PKHD1: variants seen among roughly 807,000 people sequenced by gnomAD.
PKHD1 encodes the protein fibrocystin.
In PKHD1, 291 loss-of-function variants were observed where a neutral mutation model predicts 412.0. That is an observed-to-expected ratio of 0.71 (90% CI 0.64 to 0.78). The LOEUF is 0.78. Among genes scored for constraint, PKHD1 ranks in the 30% least tolerant of loss-of-function variants. The probability of loss-of-function intolerance (pLI) is 0.00; values close to 1 mark genes in which losing one functional copy is unlikely to be tolerated. For missense variants in PKHD1, 4,825 were observed against 4,950.7 expected, an observed-to-expected ratio of 0.97 and a Z score of 0.76; for synonymous variants, 1,777 against 1,821.5, an observed-to-expected ratio of 0.98 and a Z score of 0.62.
Position 51,934,226 on chromosome 6 carries a change from T to C in PKHD1, c.6005A>G (p.Asp2002Gly). The change falls in exon 37 of 67, where the codon GAC becomes GGC. Residue 2002 changes from aspartate (D) to glycine (G), a missense_variant. By Grantham distance (94) the Asp-to-Gly change is moderately conservative. Transcript: ENST00000371117. The stretch of plus-strand genomic sequence containing the variant: ...CTGAGCTCTGCCTTGGAAGGGCTTG[T>C]CTTCGGATCCAATCCGGAGCTCTCC... ...DGGELRIGSE[D>G]KPFQGRAQIT... 6.2e-7 allele frequency: 1 copy of C among 1,613,648 alleles called. No homozygotes were observed. Among genetic ancestry groups the C allele is most frequent in the Non-Finnish European group, 8.5e-7 (1 of 1,179,610 alleles).
chr6:52,068,104 AT>A (rs1810028183), intron 11 of PKHD1, among the ~76,000 whole-genome samples: 1 of 152,198 alleles, frequency 6.6e-6, no homozygotes, highest in Non-Finnish European at 1.5e-5. Context: ...GAATTCCAAG[AT>A]TCTTGCTCCT....
At chr6:51,628,346 G>A (rs1175983773) in intron 65 of PKHD1, among the ~76,000 whole-genome samples, 1 of 152,130 alleles carries the variant, frequency 6.6e-6, no homozygotes, top group Non-Finnish European at 1.5e-5. Flanking sequence ...TTCTGTTCCT[G>A]CATTAATTCA....
chr6:52,026,134 C>G lies in PKHD1; in HGVS notation c.3676G>C (p.Ala1226Pro), dbSNP rs751658200. Residue 1226 changes from alanine to proline, a missense_variant, in exon 32 of 67, where the codon GCT (alanine) becomes CCT (proline). Coordinates refer to ENST00000371117, the MANE Select transcript of PKHD1 (RefSeq NM_138694.4). Reference protein sequence around the residue: ...ISGIGFSRDPALVWVLVGNRS... With the variant: ...ISGIGFSRDPPLVWVLVGNRS... ...TTGCCCACAAGTACCCAAACCAAAG[C>G]TGGGTCCCTGCTGAAGCCTATTCCT... 6.2e-7 allele frequency: 1 copy of G among 1,614,128 alleles called. No individual in the cohort carries two copies. The highest frequency in any genetic ancestry group is 1.7e-5 in the Admixed American group (1 of 60,026).
intron 24 of PKHD1, 64 bp from the exon 25 acceptor site, chr6:52,045,152 A>G (rs1805585606): frequency 2.0e-6 from 3 of 1,520,786 alleles, no homozygotes; most frequent in South Asian, 1.1e-5. Context: ...GTCTAATCAA[A>G]TAATAAAGAG....
intron 35 of PKHD1, among the ~76,000 whole-genome samples, chr6:52,001,386 A>G (rs1251833695): frequency 6.6e-6 from 1 of 152,088 alleles, no homozygotes; most frequent in African/African-American, 2.4e-5. Context: ...CAAATCTTTC[A>G]TCATACTCTT....
chr6:51,788,408 A>G (rs1268155966), intron 53 of PKHD1, among the ~76,000 whole-genome samples: 2 of 142,778 alleles, frequency 1.4e-5, no homozygotes, highest in Non-Finnish European at 3.1e-5. Context: ...ACCTATGTGT[A>G]CTGCATCAAG....
chr6:51,898,940 C>T (rs556830841), intron 43 of PKHD1, among the ~76,000 whole-genome samples: 35 of 152,342 alleles, frequency 2.3e-4, no homozygotes, highest in African/African-American at 7.9e-4. Context: ...TTCCTGAACA[C>T]ATACACTCTC....
chr6:51,695,135 C>T (rs1582130511), intron 60 of PKHD1, among the ~76,000 whole-genome samples: 2 of 152,234 alleles, frequency 1.3e-5, no homozygotes, highest in East Asian at 3.9e-4. Flanking sequence ...AATAATATTT[C>T]TTTAAATCAG....
chr6:51,791,307 T>C lies in PKHD1; in HGVS notation c.8369A>G (p.Asp2790Gly). Residue 2790 changes from aspartate (D) to glycine (G), a missense_variant, in exon 53 of 67, where the codon GAC (aspartate) becomes GGC (glycine). Transcript: ENST00000371117. ...FKGLYVMGTL[D>G]FPVDRSNVLS... ...AACATTGCTTCTGTCCACAGGGAAG[T>C]CTAAGGTCCCCATCACATACAGCCC... is the stretch of plus-strand genomic sequence containing the variant. 1 of 1,613,640 alleles carries C rather than the reference T, an allele frequency of 6.2e-7. No individual in the cohort carries two copies. The highest frequency in any genetic ancestry group is 8.5e-7 in the Non-Finnish European group (1 of 1,179,640).
chr6:51,786,636 T>C (rs916624269), intron 53 of PKHD1, among the ~76,000 whole-genome samples: 1 of 152,168 alleles, frequency 6.6e-6, no homozygotes, highest in Non-Finnish European at 1.5e-5. Flanking sequence ...ATCTAAAATA[T>C]GTACCTGTTC....
Position 52,076,321 on chromosome 6 carries a change from G to T in PKHD1, c.403C>A (p.Gln135Lys). ...TAAACTTGGTGAACGATGGGTGTCTGCGCCTTGGAAAACTGTTTAGAAAAT... is the reference window on the plus strand; with the variant it reads ...TAAACTTGGTGAACGATGGGTGTCTTCGCCTTGGAAAACTGTTTAGAAAAT... ...DSCTFKFSKA[Q>K]TPIVHQVYPP... Residue 135 changes from glutamine (Q) to lysine (K), a missense_variant, in exon 6 of 67, where the codon CAG becomes AAG. By Grantham distance (53) the Gln-to-Lys change is moderately conservative. Coordinates refer to ENST00000371117, the MANE Select transcript of PKHD1 (RefSeq NM_138694.4). 1 of 1,612,428 alleles carries T rather than the reference G, an allele frequency of 6.2e-7. No homozygotes were observed. The highest frequency in any genetic ancestry group is 8.5e-7 in the Non-Finnish European group (1 of 1,178,514).
chr6:51,847,040 G>A (rs1422177197), intron 50 of PKHD1, among the ~76,000 whole-genome samples: 1 of 151,742 alleles, frequency 6.6e-6, no homozygotes, highest in Non-Finnish European at 1.5e-5. Context: ...GCTCACTGCA[G>A]GCTCAACTTC....
chr6:51,844,988 G>A (rs1201294159), intron 50 of PKHD1, among the ~76,000 whole-genome samples: 1 of 152,114 alleles, frequency 6.6e-6, no homozygotes, highest in African/African-American at 2.4e-5. Context: ...TAGATTAAAT[G>A]TATTTTATGT....
intron 54 of PKHD1, among the ~76,000 whole-genome samples, chr6:51,773,235 T>C (rs974663930): frequency 7.2e-5 from 11 of 152,016 alleles, no homozygotes; most frequent in Non-Finnish European, 1.3e-4. Context: ...TAGCTTTATG[T>C]TTAGTGGCTG....
chr6:51,889,998 T>G (rs1778859234), intron 43 of PKHD1, among the ~76,000 whole-genome samples: 1 of 152,076 alleles, frequency 6.6e-6, no homozygotes, highest in Non-Finnish European at 1.5e-5. Flanking sequence ...GGTGGATTTT[T>G]TTTTTCCCTT....
intron 60 of PKHD1, among the ~76,000 whole-genome samples, chr6:51,707,415 A>G (rs975690795): frequency 6.6e-6 from 1 of 152,030 alleles, no homozygotes. Context: ...GGCAAACTCA[A>G]TTTCTTCCAC....
At chr6:51,626,946 C>A (rs749359491) in intron 66 of PKHD1, 51 bp downstream of exon 66, 33 of 1,598,778 alleles carry the variant, frequency 2.1e-5, no homozygotes, top group Non-Finnish European at 2.6e-5. Flanking sequence ...AGGCTCAGAC[C>A]ATCCACAGTG....
At chr6:52,005,543 T>C (rs563122889) in intron 35 of PKHD1, among the ~76,000 whole-genome samples, 1 of 152,278 alleles carries the variant, frequency 6.6e-6, no homozygotes, top group South Asian at 2.1e-4. Context: ...CTGTCCTTCA[T>C]AGCATAGCAC....
intron 53 of PKHD1, 23 bp from the exon 54 acceptor site, chr6:51,775,944 C>T: frequency 9.4e-7 from 1 of 1,059,566 alleles, no homozygotes; most frequent in Non-Finnish European, 1.5e-6. Flanking sequence ...AAAAGTATAT[C>T]ATTCAAATCA....
Sources: allele counts gnomAD v4.1 joint callset (sites outside exome capture counted in the v4.1 genomes callset), GRCh38; gene constraint gnomAD v4.1.1; transcripts MANE v1.5; gene names NCBI Gene and HGNC (gene_info 2026-07-23, HGNC 2026-07-21).